The following WWP2 variants were observed in gnomAD, a reference collection of about 807,000 sequenced individuals.
WWP2 encodes NEDD4-like E3 ubiquitin-protein ligase WWP2.
In WWP2, 57 loss-of-function variants were observed where a neutral mutation model predicts 121.0. The ratio of observed to expected loss-of-function variants is 0.47; its 90% CI spans 0.38 to 0.59. The LOEUF is 0.59. WWP2 is among the 20% of genes least tolerant of loss of function. WWP2 has a pLI of 0.00. For synonymous variants in WWP2, 449 were observed against 441.3 expected, an observed-to-expected ratio of 1.02 and a Z score of -0.22; for missense variants, 962 against 1,158.9, an observed-to-expected ratio of 0.83 and a Z score of 2.47.
At chr16:69,801,182 TAA>T (rs376524877) in intron 4 of WWP2, among the ~76,000 whole-genome samples, 9 of 122,566 alleles carry the variant, frequency 7.3e-5, no homozygotes, top group Admixed American at 2.5e-4. Flanking sequence ...GAGCAAGTCT[TAA>T]AAAAAAAAAA....
At chr16:69,870,204 A>G (rs187736399) in intron 6 of WWP2, among the ~76,000 whole-genome samples, 312 of 152,300 alleles carry the variant, frequency 2.0e-3, no homozygotes, top group African/African-American at 7.3e-3. Flanking sequence ...ATATATGTAA[A>G]TGCATAGCAC....
chr16:69,908,978 TG>T, intron 9 of WWP2, 128 bp downstream of exon 9: 1 of 1,493,356 alleles, frequency 6.7e-7, no homozygotes, highest in South Asian at 1.3e-5. Flanking sequence ...GTCACTTGAT[TG>T]CTTTTCCTAT....
intron 12 of WWP2, among the ~76,000 whole-genome samples, chr16:69,929,772 G>A (rs1567439731): frequency 6.6e-6 from 1 of 152,178 alleles, no homozygotes. Context: ...GGTGTTGCTG[G>A]TCTCCATACT....
At chr16:69,795,119 C>T (rs1445285522) in intron 2 of WWP2, among the ~76,000 whole-genome samples, 1 of 152,072 alleles carries the variant, frequency 6.6e-6, no homozygotes, top group Non-Finnish European at 1.5e-5. Context: ...ACTGGTAGTC[C>T]CAGCTACTCA....
At chr16:69,883,765 TATGGGTGAACC>T (rs1284198095) in intron 7 of WWP2, among the ~76,000 whole-genome samples, 3 of 152,004 alleles carry the variant, frequency 2.0e-5, no homozygotes, top group Non-Finnish European at 4.4e-5. Flanking sequence ...GAAGAGCTAC[TATGGGTGAACC>T]AGGTTGACTC....
At chr16:69,897,163 C>T (rs1259659974) in intron 8 of WWP2, among the ~76,000 whole-genome samples, 1 of 151,792 alleles carries the variant, frequency 6.6e-6, no homozygotes, top group Non-Finnish European at 1.5e-5. Flanking sequence ...AGTGCAGTGG[C>T]GTGGTCTCAG....
At chr16:69,910,507 T>G in intron 9 of WWP2, 1 of 306,316 alleles carries the variant, frequency 3.3e-6, no homozygotes, top group Non-Finnish European at 4.8e-6. Flanking sequence ...CCTCCTGGGT[T>G]CAAGCGATTC....
At chr16:69,883,292 C>T (rs543905159) in intron 7 of WWP2, among the ~76,000 whole-genome samples, 8 of 152,126 alleles carry the variant, frequency 5.3e-5, no homozygotes, top group Admixed American at 1.3e-4. Context: ...CCAGGGTGAC[C>T]GTGGGCCAGT....
chr16:69,762,449 G>GGGGCGGC (rs1412634509), intron 1 of WWP2, 58 bp downstream of exon 1: 4 of 147,476 alleles, frequency 2.7e-5, no homozygotes, highest in East Asian at 2.0e-4. Context: ...GGGCGGGCCG[G>GGGGCGGC]GGGCGGCGGG....
chr16:69,883,807 G>T (rs1182427674), intron 7 of WWP2, among the ~76,000 whole-genome samples: 1 of 152,152 alleles, frequency 6.6e-6, no homozygotes, highest in Non-Finnish European at 1.5e-5. Context: ...GGTTAGGCCT[G>T]TGGACATGTA....
chr16:69,770,371 G>A (rs2055389289), intron 1 of WWP2, among the ~76,000 whole-genome samples: 1 of 152,154 alleles, frequency 6.6e-6, no homozygotes, highest in African/African-American at 2.4e-5. Context: ...GCGTAATGAA[G>A]CTTCCATAAA....
chr16:69,909,355 G>A lies in WWP2; in HGVS notation c.1004+505G>A, dbSNP rs139745770. On this transcript the variant is annotated intron_variant, in intron 9 of 23. Coordinates refer to ENST00000359154, the MANE Select transcript of WWP2 (RefSeq NM_001270454.2). ...TGCTCCAAGAAAGAATCACCTCCCA[G>A]TAAAGTAGCCATGAAGGGCTCCTGT... 1,361 of 986,454 alleles carry A rather than the reference G, an allele frequency of 1.4e-3. 3 individuals are homozygous for A. The highest frequency in any genetic ancestry group is 4.2e-3 in the Middle Eastern group (8 of 1,916). 61.1% of individuals were successfully genotyped at this position (986,454 alleles called of 1,614,324 possible).
chr16:69,840,159 C>A lies in WWP2; in HGVS notation c.374C>A (p.Thr125Lys), dbSNP rs530023292. The change falls in exon 5 of 24, where the codon ACG becomes AAG. Residue 125 changes from threonine to lysine, a missense_variant. This residue lies in a region of WWP2 where 145 missense variants were observed against 189.8 expected (regional missense o/e 0.76). Coordinates refer to ENST00000359154, the MANE Select transcript of WWP2 (RefSeq NM_001270454.2). ...ENMQLTLNLQ[T>K]ENKGSVVSGG... Reference sequence around the variant, plus strand: ...ATGCAGCTGACCCTGAACCTGCAGACGGAGAACAAAGGCAGCGTTGTCTCA... The same window carrying A: ...ATGCAGCTGACCCTGAACCTGCAGAAGGAGAACAAAGGCAGCGTTGTCTCA... 2 of 1,614,130 alleles carry A rather than the reference C, an allele frequency of 1.2e-6. No homozygotes were observed. Among genetic ancestry groups the A allele is most frequent in the African/African-American group, 1.3e-5 (1 of 74,934 alleles).
At chr16:69,880,682 C>G (rs1310282882) in intron 7 of WWP2, among the ~76,000 whole-genome samples, 1 of 152,144 alleles carries the variant, frequency 6.6e-6, no homozygotes, top group African/African-American at 2.4e-5. Flanking sequence ...AATCTTTGTC[C>G]AGTTTTGGTT....
intron 6 of WWP2, among the ~76,000 whole-genome samples, chr16:69,854,276 C>T (rs985727690): frequency 1.3e-5 from 2 of 152,220 alleles, no homozygotes; most frequent in African/African-American, 4.8e-5. Flanking sequence ...CAGAACAGAA[C>T]TGGCTGCAAA....
chr16:69,811,883 G>A lies in WWP2; in HGVS notation c.340+12588G>A, dbSNP rs559309051. ...CACTGTGTTCTTCTGAGCCATTTTA[G>A]AGTAAATTACAAACCTCGTGTTTCT... is the stretch of plus-strand genomic sequence containing the variant. On this transcript the variant is annotated intron_variant, in intron 4 of 23. Coordinates refer to ENST00000359154, the MANE Select transcript of WWP2 (RefSeq NM_001270454.2). 7.2e-5 allele frequency among the ~76,000 whole-genome samples: 11 copies of A among 152,310 alleles called. No individual in the cohort carries two copies. The South Asian group carries it at 2.3e-3, about 32-fold the overall frequency.
At chr16:69,790,107 C>A (rs1227596234) in intron 2 of WWP2, among the ~76,000 whole-genome samples, 1 of 152,016 alleles carries the variant, frequency 6.6e-6, no homozygotes, top group Non-Finnish European at 1.5e-5. Context: ...ATTAGCCAGG[C>A]GTGGTGGCAG....
intron 6 of WWP2, among the ~76,000 whole-genome samples, chr16:69,863,564 G>A (rs529238341): frequency 6.6e-6 from 1 of 151,914 alleles, no homozygotes; most frequent in East Asian, 1.9e-4. Flanking sequence ...GCTTGAACCT[G>A]GTGGGGGCAG....
At chr16:69,838,492 A>G (rs957886127) in intron 4 of WWP2, among the ~76,000 whole-genome samples, 1 of 151,462 alleles carries the variant, frequency 6.6e-6, no homozygotes, top group Non-Finnish European at 1.5e-5. Context: ...TTACGATTGC[A>G]TAGTTTCAGG....
Sources: allele counts gnomAD v4.1 joint callset (sites outside exome capture counted in the v4.1 genomes callset), GRCh38; gene constraint gnomAD v4.1.1; regional missense constraint gnomAD v4.1.1; transcripts MANE v1.5; gene names NCBI Gene and HGNC (gene_info 2026-07-23, HGNC 2026-07-21).